The following DAB1 variants were observed in gnomAD, a reference collection of about 807,000 sequenced individuals.
DAB1 encodes DAB adaptor protein 1.
A neutral mutation model predicts 64.6 loss-of-function variants in DAB1; 15 were observed. The observed-to-expected ratio is 0.23, with a 90% confidence interval of 0.16 to 0.36. The LOEUF (loss-of-function observed/expected upper bound fraction) is 0.36. DAB1 is among the 10% of genes least tolerant of loss of function. The pLI is 1.00. For missense variants in DAB1, 596 were observed against 706.7 expected (o/e 0.84, Z 1.78); for synonymous variants, 235 against 251.9 (o/e 0.93, Z 0.64).
At chr1:57,244,420 A>G (rs553434922) in intron 2 of DAB1, among the ~76,000 whole-genome samples, 1 of 152,362 alleles carries the variant, frequency 6.6e-6, no homozygotes, top group Non-Finnish European at 1.5e-5. Flanking sequence ...AAGATAAATG[A>G]TTGAGTAATG....
At position 56,996,647 on chromosome 1, in the gene DAB1, C is replaced by T. The variant is rs184832702; in HGVS notation, c.*1497G>A. 2 of 152,410 alleles carry T rather than the reference C, an allele frequency of 1.3e-5. No individual in the cohort carries two copies. Among genetic ancestry groups the T allele is most frequent in the Admixed American group, 1.3e-4 (2 of 15,272 alleles). 9.4% of individuals were successfully genotyped at this position (152,410 alleles called of 1,614,324 possible). Reference sequence around the variant, plus strand: ...GTGTTGCACGTAGGGTGGGGACTCTCGTGGAAAGGCTAGATGATGGAGTCA... The same window carrying T: ...GTGTTGCACGTAGGGTGGGGACTCTTGTGGAAAGGCTAGATGATGGAGTCA... On this transcript the variant is annotated 3_prime_UTR_variant, in exon 15 of 15. Coordinates refer to ENST00000371236, the MANE Select transcript of DAB1 (RefSeq NM_001365792.1).
chr1:58,506,481 A>T (rs1645992585), intron 2 of DAB1, among the ~76,000 whole-genome samples: 1 of 152,280 alleles, frequency 6.6e-6, no homozygotes, highest in African/African-American at 2.4e-5. Flanking sequence ...ATAAAAGTAG[A>T]ACATGCCCAT....
chr1:57,053,247 GA>G (rs1432061791), intron 9 of DAB1, among the ~76,000 whole-genome samples: 3 of 152,048 alleles, frequency 2.0e-5, no homozygotes, highest in African/African-American at 7.3e-5. Flanking sequence ...TCATCAAAAC[GA>G]AAATTTTTTA....
intron 4 of DAB1, among the ~76,000 whole-genome samples, chr1:58,189,616 A>C (rs748245648): frequency 1.1e-4 from 17 of 152,274 alleles, no homozygotes; most frequent in Middle Eastern, 3.4e-3. Context: ...GCAGGTCCCC[A>C]CTGACTTCCA....
intron 7 of DAB1, among the ~76,000 whole-genome samples, chr1:57,533,539 G>GTATATATATATATATATATATATA (rs59378470): frequency 2.0e-4 from 29 of 143,820 alleles, no homozygotes; most frequent in African/African-American, 7.3e-4. Flanking sequence ...TTCATAACAG[G>GTATATATATATATATATATATATA]TATATATATA....
chr1:57,868,492 G>A (rs142333899), intron 1 of DAB1, among the ~76,000 whole-genome samples: 25 of 152,258 alleles, frequency 1.6e-4, no homozygotes, highest in Non-Finnish European at 1.2e-4. Flanking sequence ...GCCTGGTCTT[G>A]TCATTACGTT....
chr1:58,299,854 C>T lies in DAB1; in HGVS notation n.309+43498G>A, dbSNP rs1183371890. ...GATGTACTGGGCTTGCTAGTACATA[C>T]CTTCATCTGCCACATACCTAGGCCC... On this transcript the variant is annotated intron_variant and non_coding_transcript_variant, in intron 4 of 20. Coordinates refer to the DAB1 transcript ENST00000485760. Among the ~76,000 whole-genome samples the T allele has an allele frequency of 2.0e-5, 3 of 152,134 alleles. No homozygotes were observed. In the East Asian group the frequency reaches 5.8e-4, roughly 29 times the overall value.
intron 1 of DAB1, among the ~76,000 whole-genome samples, chr1:57,359,345 C>G (rs1262529768): frequency 2.0e-5 from 3 of 151,980 alleles, no homozygotes; most frequent in African/African-American, 7.2e-5. Flanking sequence ...AAAAAATGCT[C>G]AATATCACTA....
At chr1:58,488,820 G>A (rs143958884) in intron 3 of DAB1, among the ~76,000 whole-genome samples, 32 of 152,288 alleles carry the variant, frequency 2.1e-4, no homozygotes, top group African/African-American at 6.7e-4. Context: ...CACTGTATAC[G>A]TCTTATGCCT....
chr1:57,761,313 C>G (rs1038866739), intron 6 of DAB1, among the ~76,000 whole-genome samples: 2 of 152,064 alleles, frequency 1.3e-5, no homozygotes, highest in Admixed American at 1.3e-4. Flanking sequence ...GCTAGTATTT[C>G]AAAAGATTGC....
intron 7 of DAB1, among the ~76,000 whole-genome samples, chr1:57,599,431 G>GA (rs1220560361): frequency 7.7e-6 from 1 of 130,378 alleles, no homozygotes; most frequent in Non-Finnish European, 1.8e-5. Flanking sequence ...ATCCTCTCCA[G>GA]AAGTGCTGGA....
chr1:57,163,480 G>A (rs1277804691), intron 2 of DAB1, among the ~76,000 whole-genome samples: 3 of 151,958 alleles, frequency 2.0e-5, no homozygotes, highest in Non-Finnish European at 4.4e-5. Context: ...AAGTCAGGAG[G>A]GAGGCAGGGC....
At chr1:57,581,129 T>C (rs1170051617) in intron 7 of DAB1, among the ~76,000 whole-genome samples, 1 of 152,244 alleles carries the variant, frequency 6.6e-6, no homozygotes, top group Non-Finnish European at 1.5e-5. Flanking sequence ...GTGGAACTCC[T>C]TGTCAAACAT....
At chr1:57,527,935 C>T (rs1337964818) in intron 7 of DAB1, among the ~76,000 whole-genome samples, 1 of 152,014 alleles carries the variant, frequency 6.6e-6, no homozygotes, top group African/African-American at 2.4e-5. Flanking sequence ...AAACGTCCCT[C>T]ATACAACGAA....
At chr1:58,462,895 T>A (rs372750388) in intron 3 of DAB1, 1 of 152,160 alleles carries the variant, frequency 6.6e-6, no homozygotes, top group Admixed American at 6.5e-5. Flanking sequence ...TGACACATAG[T>A]AGGAATTCAG....
At chr1:57,385,873 T>A (rs1004449156) in intron 1 of DAB1, among the ~76,000 whole-genome samples, 1 of 152,224 alleles carries the variant, frequency 6.6e-6, no homozygotes, top group Admixed American at 6.5e-5. Context: ...AAGGAATGAT[T>A]GTTCATTGAT....
intron 3 of DAB1, among the ~76,000 whole-genome samples, chr1:58,470,386 C>T (rs1645344477): frequency 6.6e-6 from 1 of 151,982 alleles, no homozygotes; most frequent in Non-Finnish European, 1.5e-5. Context: ...GTTTCCCAGG[C>T]TGGTCTTGAA....
At chr1:57,743,786 T>A (rs1348793872) in intron 6 of DAB1, among the ~76,000 whole-genome samples, 1 of 152,226 alleles carries the variant, frequency 6.6e-6, no homozygotes, top group Non-Finnish European at 1.5e-5. Flanking sequence ...TCTCACAGCC[T>A]TCAGAGCTGA....
intron 5 of DAB1, among the ~76,000 whole-genome samples, chr1:57,892,591 CT>C (rs1343957035): frequency 6.6e-6 from 1 of 152,186 alleles, no homozygotes; most frequent in Non-Finnish European, 1.5e-5. Flanking sequence ...GGCAAGTTGT[CT>C]CTGAAGTCTG....
Sources: gnomAD v4.1 joint callset for allele counts (sites outside exome capture counted in the v4.1 genomes callset) on GRCh38, gnomAD v4.1.1 for gene constraint, MANE v1.5 for transcripts, NCBI Gene and HGNC (gene_info 2026-07-23, HGNC 2026-07-21) for gene names.